PDE1C: variants seen among roughly 807,000 people sequenced by gnomAD.
The protein encoded by PDE1C is dual specificity calcium/calmodulin-dependent 3',5'-cyclic nucleotide phosphodiesterase 1C.
In PDE1C, 62 loss-of-function variants were observed where a neutral mutation model predicts 93.1. The ratio of observed to expected loss-of-function variants is 0.67; its 90% CI spans 0.54 to 0.82. The LOEUF is 0.82. PDE1C is among the 40% of genes least tolerant of loss of function. The pLI is 0.00. For missense variants in PDE1C, 742 were observed against 884.6 expected, an observed-to-expected ratio of 0.84 and a Z score of 2.04; for synonymous variants, 325 against 310.1, an observed-to-expected ratio of 1.05 and a Z score of -0.50.
chr7:32,209,332 G>A (rs1284222592), intron 2 of PDE1C, among the ~76,000 whole-genome samples: 3 of 152,178 alleles, frequency 2.0e-5, no homozygotes, highest in Non-Finnish European at 2.9e-5. Context: ...TAGCTCACCA[G>A]CCTGGGCTCA....
At chr7:31,775,599 C>T in intron 17 of PDE1C, 65 bp downstream of exon 17, 1 of 1,361,480 alleles carries the variant, frequency 7.3e-7, no homozygotes, top group Non-Finnish European at 1.0e-6. Flanking sequence ...AACCCAATTC[C>T]CGAGAAACCA....
chr7:31,740,894 C>T, the PDE1C span, among the ~76,000 whole-genome samples: 1 of 151,928 alleles, frequency 6.6e-6, no homozygotes, highest in Non-Finnish European at 1.5e-5. Context: ...CGTAGCAAGA[C>T]CCTGTCTCTA....
chr7:31,882,578 A>T (rs1797387035), intron 2 of PDE1C, among the ~76,000 whole-genome samples: 1 of 152,128 alleles, frequency 6.6e-6, no homozygotes, highest in African/African-American at 2.4e-5. Context: ...GTAAAATTAA[A>T]CTTTTCAAAG....
intron 2 of PDE1C, among the ~76,000 whole-genome samples, chr7:31,931,319 G>A (rs879181527): frequency 2.6e-5 from 4 of 152,194 alleles, no homozygotes; most frequent in Non-Finnish European, 5.9e-5. Flanking sequence ...CAGATGACAT[G>A]ATTGTATATT....
rs567040471 is a variant in PDE1C, at chr7:31,840,614, A to AT, written c.981-2644dup. On this transcript the variant is annotated intron_variant, in intron 9 of 17. Transcript: ENST00000396191. ...TTAGGTTTATAACCAATTTTGAGCTATTTTTTGAGTATGGTATGTGATAAG... is the reference window on the plus strand; with the variant it reads ...TTAGGTTTATAACCAATTTTGAGCTATTTTTTTGAGTATGGTATGTGATAAG... Among the ~76,000 whole-genome samples, 6 of 152,226 alleles carry AT rather than the reference A, an allele frequency of 3.9e-5. No individual in the cohort carries two copies. The East Asian group carries it at 1.2e-3, about 29-fold the overall frequency.
chr7:31,958,581 G>A (rs560284743), intron 2 of PDE1C, among the ~76,000 whole-genome samples: 18 of 152,076 alleles, frequency 1.2e-4, no homozygotes, highest in African/African-American at 2.7e-4. Flanking sequence ...AGTGCCTGTC[G>A]AACAGTAGTC....
At chr7:31,673,535 C>A in the PDE1C span, among the ~76,000 whole-genome samples, 117,797 of 151,976 alleles carry the variant, frequency 0.78, 45,858 homozygotes, top group African/African-American at 0.84. Flanking sequence ...AAATTTTTCT[C>A]ATGTGTTTTA....
intron 2 of PDE1C, among the ~76,000 whole-genome samples, chr7:32,179,510 C>T (rs573428516): frequency 4.4e-4 from 67 of 152,234 alleles, no homozygotes; most frequent in African/African-American, 1.5e-3. Flanking sequence ...CCGCCTGCCT[C>T]GGCCTACCAA....
At chr7:32,112,603 C>T (rs1192131886) in intron 3 of PDE1C, among the ~76,000 whole-genome samples, 1 of 143,964 alleles carries the variant, frequency 6.9e-6, no homozygotes, top group African/African-American at 2.6e-5. Flanking sequence ...ACTATAGACA[C>T]ATGCCACCAC....
chr7:31,650,854 C>T, the PDE1C span, among the ~76,000 whole-genome samples: 1 of 152,190 alleles, frequency 6.6e-6, no homozygotes, highest in Admixed American at 6.5e-5. Flanking sequence ...TACATCCTTG[C>T]ATCCCTATGT....
intron 11 of PDE1C, among the ~76,000 whole-genome samples, chr7:31,829,062 C>T (rs569829090): frequency 6.6e-6 from 1 of 152,112 alleles, no homozygotes; most frequent in South Asian, 2.1e-4. Flanking sequence ...AAACTTGGGC[C>T]AGAGGCTTAA....
intron 2 of PDE1C, among the ~76,000 whole-genome samples, chr7:32,017,519 C>T (rs1788066313): frequency 6.6e-6 from 1 of 151,990 alleles, no homozygotes. Flanking sequence ...AAAATTAAAA[C>T]ATTTTGTGCT....
At chr7:31,880,412 A>C (rs28377374) in intron 3 of PDE1C, among the ~76,000 whole-genome samples, 13,879 of 152,232 alleles carry the variant, frequency 0.091, 937 homozygotes, top group East Asian at 0.26. Flanking sequence ...TTTTAGACTA[A>C]CACTAAAAAC....
At chr7:31,724,308 CT>C in the PDE1C span, among the ~76,000 whole-genome samples, 1 of 152,288 alleles carries the variant, frequency 6.6e-6, no homozygotes, top group Admixed American at 6.5e-5. Context: ...TAGTGTCTTC[CT>C]ACCCATCACC....
At chr7:32,357,333 C>A (rs573939619) in intron 1 of PDE1C, among the ~76,000 whole-genome samples, 14,271 of 141,612 alleles carry the variant, frequency 0.1, 878 homozygotes, top group African/African-American at 0.19. Flanking sequence ...GATTCCATCA[C>A]ACACAAAAAA....
chr7:31,645,051 T>C, the PDE1C span, among the ~76,000 whole-genome samples: 1 of 152,206 alleles, frequency 6.6e-6, no homozygotes, highest in South Asian at 2.1e-4. Flanking sequence ...CTTCCTCCTT[T>C]ATAGACAAGG....
chr7:32,218,758 T>G (rs545381979), intron 1 of PDE1C, among the ~76,000 whole-genome samples: 3 of 152,226 alleles, frequency 2.0e-5, no homozygotes, highest in Admixed American at 2.0e-4. Flanking sequence ...AAAATTGAAA[T>G]TTACTTATTT....
the PDE1C span, among the ~76,000 whole-genome samples, chr7:31,634,303 TTAA>T: frequency 5.3e-5 from 8 of 152,218 alleles, no homozygotes; most frequent in African/African-American, 7.2e-5. Flanking sequence ...ATGATTATTA[TTAA>T]TGATACGAAG....
chr7:31,703,911 G>T, the PDE1C span, among the ~76,000 whole-genome samples: 1 of 152,210 alleles, frequency 6.6e-6, no homozygotes, highest in African/African-American at 2.4e-5. Flanking sequence ...ACAGACCCAG[G>T]CTTGCTCCCA....
Sources: allele counts gnomAD v4.1 joint callset (sites outside exome capture counted in the v4.1 genomes callset), GRCh38; gene constraint gnomAD v4.1.1; transcripts MANE v1.5; gene names NCBI Gene and HGNC (gene_info 2026-07-23, HGNC 2026-07-21).